Variants in PDE3A observed in about 807,000 individuals in gnomAD.
PDE3A encodes phosphodiesterase 3A.
PDE3A carries 43 observed loss-of-function variants against 98.3 expected under a neutral mutation model. The ratio of observed to expected loss-of-function variants is 0.44; its 90% CI spans 0.34 to 0.56. The LOEUF is 0.56. Among genes scored for constraint, PDE3A ranks in the 20% least tolerant of loss-of-function variants. The pLI is 0.01. For missense variants in PDE3A, 1,427 were observed against 1,440.7 expected (o/e 0.99, Z 0.15); for synonymous variants, 663 against 567.9 (o/e 1.17, Z -2.38).
intron 1 of PDE3A, among the ~76,000 whole-genome samples, chr12:20,519,629 T>G (rs2121145470): frequency 6.6e-6 from 1 of 152,320 alleles, no homozygotes; most frequent in East Asian, 1.9e-4. Flanking sequence ...TGTCTACTGC[T>G]GATTAATGAA....
At chr12:20,657,316 T>C (rs1348156035) in intron 15 of PDE3A, among the ~76,000 whole-genome samples, 1 of 152,180 alleles carries the variant, frequency 6.6e-6, no homozygotes, top group Non-Finnish European at 1.5e-5. Flanking sequence ...CCTAGGTCTC[T>C]TAATTTTTAA....
intron 15 of PDE3A, among the ~76,000 whole-genome samples, chr12:20,671,017 A>C (rs923207544): frequency 8.8e-5 from 10 of 113,502 alleles, no homozygotes; most frequent in Middle Eastern, 7.8e-3. Context: ...TAAAGGGGAT[A>C]TCACCACCGA....
chr12:20,588,891 T>C (rs910801510), intron 2 of PDE3A, among the ~76,000 whole-genome samples: 1 of 152,146 alleles, frequency 6.6e-6, no homozygotes, highest in African/African-American at 2.4e-5. Flanking sequence ...CTGGAATTTG[T>C]CAAGCTTTTA....
chr12:20,528,220 C>T (rs960855500), intron 1 of PDE3A, among the ~76,000 whole-genome samples: 1 of 152,144 alleles, frequency 6.6e-6, no homozygotes, highest in African/African-American at 2.4e-5. Context: ...CACTGATTTG[C>T]ATTTGGTTTG....
chr12:20,516,650 T>C lies in PDE3A; in HGVS notation c.961-40010T>C, dbSNP rs535648483. 1.2e-3 allele frequency among the ~76,000 whole-genome samples: 178 copies of C among 152,344 alleles called. 1 individual carries two copies. The highest frequency in any genetic ancestry group is 2.4e-3 in the Admixed American group (37 of 15,306). Reference sequence around the variant, plus strand: ...GTTGCTTTCACTGCGATTAATTTAATAGTGAATATGTTTATAAAAGTCTGA... The same window carrying C: ...GTTGCTTTCACTGCGATTAATTTAACAGTGAATATGTTTATAAAAGTCTGA... On this transcript the variant is annotated intron_variant, in intron 1 of 15. Transcript: ENST00000359062.
intron 2 of PDE3A, among the ~76,000 whole-genome samples, chr12:20,582,457 A>G (rs1054961845): frequency 3.3e-5 from 5 of 152,108 alleles, no homozygotes; most frequent in Admixed American, 3.3e-4. Context: ...GCCTTCCAAG[A>G]TGCTGGGAGG....
intron 1 of PDE3A, among the ~76,000 whole-genome samples, chr12:20,487,009 A>T (rs1473173887): frequency 6.6e-6 from 1 of 152,158 alleles, no homozygotes; most frequent in Non-Finnish European, 1.5e-5. Context: ...CATTACTTGA[A>T]TTTTTTTCAT....
intron 1 of PDE3A, among the ~76,000 whole-genome samples, chr12:20,515,692 A>C (rs1470040212): frequency 1.4e-5 from 2 of 145,444 alleles, no homozygotes; most frequent in South Asian, 2.3e-4. Context: ...GTAGAATCTC[A>C]CACTGTATTA....
intron 2 of PDE3A, among the ~76,000 whole-genome samples, chr12:20,562,598 G>A (rs971942424): frequency 2.0e-5 from 3 of 151,928 alleles, no homozygotes; most frequent in African/African-American, 7.3e-5. Context: ...ATCACTTAGT[G>A]GAGGCTCCTT....
intron 1 of PDE3A, among the ~76,000 whole-genome samples, chr12:20,373,429 A>G (rs1943515155): frequency 6.6e-6 from 1 of 152,102 alleles, no homozygotes; most frequent in East Asian, 1.9e-4. Flanking sequence ...ATGCATGATT[A>G]ATATGTTATT....
intron 15 of PDE3A, among the ~76,000 whole-genome samples, chr12:20,669,145 G>C (rs914589471): frequency 3.3e-5 from 5 of 152,146 alleles, no homozygotes; most frequent in African/African-American, 1.2e-4. Flanking sequence ...GGGAAGTGTA[G>C]AGAAAAAAGA....
intron 10 of PDE3A, among the ~76,000 whole-genome samples, chr12:20,644,991 C>T (rs1048526270): frequency 6.6e-6 from 1 of 151,238 alleles, no homozygotes; most frequent in Non-Finnish European, 1.5e-5. Flanking sequence ...TGGGTTCAAG[C>T]GATTCTCCTG....
At chr12:20,604,210 G>A (rs1472144468) in intron 2 of PDE3A, among the ~76,000 whole-genome samples, 3 of 151,080 alleles carry the variant, frequency 2.0e-5, no homozygotes, top group African/African-American at 4.9e-5. Flanking sequence ...GGAGAGAAGA[G>A]GGGAGGGGAG....
intron 1 of PDE3A, among the ~76,000 whole-genome samples, chr12:20,526,472 C>A (rs531956034): frequency 1.3e-4 from 20 of 152,074 alleles, no homozygotes; most frequent in Non-Finnish European, 2.4e-4. Flanking sequence ...AAAAGTGTTA[C>A]AATTATAGCA....
At chr12:20,490,151 G>A (rs1282484213) in intron 1 of PDE3A, among the ~76,000 whole-genome samples, 2 of 152,114 alleles carry the variant, frequency 1.3e-5, no homozygotes, top group Non-Finnish European at 2.9e-5. Context: ...GAAAGATTGA[G>A]TTTGTATGAT....
chr12:20,406,580 T>C (rs1944237098), intron 1 of PDE3A, among the ~76,000 whole-genome samples: 2 of 152,338 alleles, frequency 1.3e-5, no homozygotes, highest in South Asian at 4.1e-4. Context: ...TGCTGTTGTA[T>C]AAGTTCCCGA....
At chr12:20,439,424 C>T (rs1395113200) in intron 1 of PDE3A, among the ~76,000 whole-genome samples, 1 of 152,056 alleles carries the variant, frequency 6.6e-6, no homozygotes, top group Non-Finnish European at 1.5e-5. Context: ...CTCATTGATT[C>T]TTTATATGCA....
rs537945820 is a variant in PDE3A at position 20,382,556 on chromosome 12, T to G, written c.960+12312T>G. ...ATAGGAATATCAGCTTCACTACCTA[T>G]CTCATATGGCTGTTTTAAAGGCTAA... On this transcript the variant is annotated intron_variant, in intron 1 of 15. Coordinates refer to ENST00000359062, the MANE Select transcript of PDE3A (RefSeq NM_000921.5). Among the ~76,000 whole-genome samples the G allele has an allele frequency of 2.0e-5, 3 of 152,006 alleles. No homozygotes were observed. The East Asian group carries it at 5.8e-4, about 29-fold the overall frequency.
intron 15 of PDE3A, among the ~76,000 whole-genome samples, chr12:20,671,467 T>C (rs963279192): frequency 1.1e-4 from 13 of 122,952 alleles, no homozygotes; most frequent in Admixed American, 5.6e-4. Flanking sequence ...ACTGGCAAAC[T>C]GAATCCAGCA....
Sources: allele counts gnomAD v4.1 joint callset (sites outside exome capture counted in the v4.1 genomes callset), GRCh38; gene constraint gnomAD v4.1.1; transcripts MANE v1.5; gene names NCBI Gene and HGNC (gene_info 2026-07-23, HGNC 2026-07-21).